CCSER1: variants seen among roughly 807,000 people sequenced by gnomAD.
CCSER1 encodes coiled-coil serine rich protein 1, also known as serine-rich coiled-coil domain-containing protein 1.
A neutral mutation model predicts 82.0 loss-of-function variants in CCSER1; 41 were observed. The ratio of observed to expected loss-of-function variants is 0.50; its 90% CI spans 0.39 to 0.65. The LOEUF is 0.65. CCSER1 is among the 30% of genes least tolerant of loss of function. The pLI is 0.00. For synonymous variants in CCSER1, 414 were observed against 383.9 expected (o/e 1.08, Z -0.92); for missense variants, 1,119 against 1,064.2 (o/e 1.05, Z -0.72).
chr4:91,072,639 A>AC lies in CCSER1; in HGVS notation c.2173-13311_2173-13310insC, dbSNP rs1461345549. 2.6e-5 allele frequency among the ~76,000 whole-genome samples: 4 copies of AC among 152,176 alleles called. No homozygotes were observed. The South Asian group carries it at 8.3e-4, about 32-fold the overall frequency. On this transcript the variant is annotated intron_variant, in intron 9 of 10. Transcript: ENST00000509176. ...TAAAGTATTAGTTACTTTTGGAGGTAGTATGTGTAATAGTTCCAAAAGTAG... is the reference window on the plus strand; with the variant it reads ...TAAAGTATTAGTTACTTTTGGAGGTACGTATGTGTAATAGTTCCAAAAGTAG...
Position 91,604,353 on chromosome 4 carries a change from T to G in CCSER1, c.*5296T>G, listed in dbSNP as rs541335340. ...CAAAAAATTAAGCAATGATCTATTT[T>G]AGGAAATCAAAATACTGTTCATTGA... On this transcript the variant is annotated 3_prime_UTR_variant, in exon 11 of 11. Coordinates refer to ENST00000509176, the MANE Select transcript of CCSER1 (RefSeq NM_001145065.2). 1.4e-4 allele frequency: 21 copies of G among 152,244 alleles called. No homozygotes were observed. Among genetic ancestry groups the G allele is most frequent in the African/African-American group, 4.8e-4 (20 of 41,572 alleles). 9.4% of individuals were successfully genotyped at this position (152,244 alleles called of 1,614,324 possible). A position where few individuals can be genotyped will look rare whatever the true frequency, so the allele number is the denominator to read the frequency against.
At chr4:90,596,962 A>C (rs1323738391) in intron 5 of CCSER1, among the ~76,000 whole-genome samples, 4 of 152,006 alleles carry the variant, frequency 2.6e-5, no homozygotes, top group African/African-American at 9.7e-5. Flanking sequence ...GGACATTTAA[A>C]AACTTACAGC....
chr4:91,152,743 G>C (rs1488415004), intron 10 of CCSER1, among the ~76,000 whole-genome samples: 1 of 148,666 alleles, frequency 6.7e-6, no homozygotes, highest in African/African-American at 2.4e-5. Context: ...GCATTTGCTT[G>C]TCTGTAAAGG....
chr4:91,076,819 C>CCATGGTA (rs1325931816), intron 9 of CCSER1, among the ~76,000 whole-genome samples: 1 of 152,054 alleles, frequency 6.6e-6, no homozygotes, highest in Non-Finnish European at 1.5e-5. Flanking sequence ...AATTTTTAGA[C>CCATGGTA]CATGGTACAT....
intron 1 of CCSER1, among the ~76,000 whole-genome samples, chr4:90,273,783 A>T (rs1316321019): frequency 6.6e-6 from 1 of 152,138 alleles, no homozygotes; most frequent in Non-Finnish European, 1.5e-5. Flanking sequence ...GCACCACACC[A>T]GAACAACATG....
At chr4:90,186,101 C>A (rs1343578436) in intron 1 of CCSER1, among the ~76,000 whole-genome samples, 1 of 151,942 alleles carries the variant, frequency 6.6e-6, no homozygotes, top group African/African-American at 2.4e-5. Context: ...AACAATAAAT[C>A]TTGGATCTTG....
At chr4:91,584,714 T>C (rs1337134930) in intron 10 of CCSER1, among the ~76,000 whole-genome samples, 1 of 151,534 alleles carries the variant, frequency 6.6e-6, no homozygotes. Flanking sequence ...TTAAAATTGA[T>C]TTGAAGTCTA....
chr4:90,914,715 G>GAAAAAA, intron 8 of CCSER1, among the ~76,000 whole-genome samples: 1 of 128,626 alleles, frequency 7.8e-6, no homozygotes, highest in Non-Finnish European at 1.7e-5. Context: ...GCTTTTTATT[G>GAAAAAA]AAAAAAAAAA....
At chr4:91,320,425 G>C (rs1455243352) in intron 10 of CCSER1, among the ~76,000 whole-genome samples, 1 of 151,982 alleles carries the variant, frequency 6.6e-6, no homozygotes, top group Non-Finnish European at 1.5e-5. Flanking sequence ...AATTATAGTA[G>C]ACAAATACAG....
intron 10 of CCSER1, among the ~76,000 whole-genome samples, chr4:91,529,204 G>C (rs943204247): frequency 6.6e-6 from 1 of 152,094 alleles, no homozygotes; most frequent in Non-Finnish European, 1.5e-5. Context: ...CCTTTCAATA[G>C]CAGTGAAATT....
chr4:91,144,591 A>T (rs567162452), intron 10 of CCSER1, among the ~76,000 whole-genome samples: 2 of 149,320 alleles, frequency 1.3e-5, no homozygotes, highest in East Asian at 3.9e-4. Context: ...TGATGTAAGC[A>T]TTTAGCACTA....
chr4:90,656,510 A>C (rs1579755283), intron 6 of CCSER1, among the ~76,000 whole-genome samples: 1 of 151,698 alleles, frequency 6.6e-6, no homozygotes, highest in Non-Finnish European at 1.5e-5. Context: ...TCTATTTTCC[A>C]TTCTTTTATT....
At chr4:90,648,276 GAA>G in intron 6 of CCSER1, among the ~76,000 whole-genome samples, 4 of 100,804 alleles carry the variant, frequency 4.0e-5, no homozygotes, top group African/African-American at 7.1e-5. Flanking sequence ...AAGAGAGAGA[GAA>G]AGAAAGGAAA....
At chr4:90,738,879 T>G (rs953613776) in intron 7 of CCSER1, among the ~76,000 whole-genome samples, 168 of 152,310 alleles carry the variant, frequency 1.1e-3, no homozygotes, top group African/African-American at 4.0e-3. Flanking sequence ...GGCTCCTGTC[T>G]GGCCCAGGGC....
intron 10 of CCSER1, among the ~76,000 whole-genome samples, chr4:91,496,801 A>C (rs1276030437): frequency 1.5e-5 from 1 of 66,864 alleles, no homozygotes; most frequent in Non-Finnish European, 3.0e-5. Flanking sequence ...TATATATTTG[A>C]ATATATATAT....
intron 4 of CCSER1, among the ~76,000 whole-genome samples, chr4:90,467,474 A>G (rs1168305822): frequency 2.6e-5 from 4 of 152,134 alleles, no homozygotes; most frequent in Admixed American, 1.3e-4. Flanking sequence ...TCTCGAGGTC[A>G]GGAGTTCAAG....
chr4:90,381,711 A>G (rs1749239080), intron 3 of CCSER1, among the ~76,000 whole-genome samples: 1 of 152,116 alleles, frequency 6.6e-6, no homozygotes, highest in African/African-American at 2.4e-5. Flanking sequence ...TTAGTCCATA[A>G]TCATGAGAAT....
At chr4:90,844,088 T>A (rs1209152346) in intron 8 of CCSER1, among the ~76,000 whole-genome samples, 9 of 151,360 alleles carry the variant, frequency 5.9e-5, no homozygotes, top group African/African-American at 1.9e-4. Context: ...TCAAATCTCC[T>A]TCCTCTGTTT....
intron 10 of CCSER1, among the ~76,000 whole-genome samples, chr4:91,144,174 C>T (rs967901689): frequency 4.6e-5 from 7 of 151,888 alleles, no homozygotes; most frequent in Non-Finnish European, 8.8e-5. Flanking sequence ...TTAATTTCTT[C>T]TTGATTCAAT....
Sources: allele counts gnomAD v4.1 joint callset (sites outside exome capture counted in the v4.1 genomes callset), GRCh38; gene constraint gnomAD v4.1.1; transcripts MANE v1.5; gene names NCBI Gene and HGNC (gene_info 2026-07-23, HGNC 2026-07-21).